Variants in DOCK1 observed in about 807,000 individuals in gnomAD.
DOCK1 encodes the protein dedicator of cytokinesis 1.
A neutral mutation model predicts 262.7 loss-of-function variants in DOCK1; 138 were observed. The observed-to-expected ratio is 0.53, with a 90% CI of 0.46 to 0.61. The LOEUF (loss-of-function observed/expected upper bound fraction) is 0.61, where lower values mean the gene tolerates loss of function less well. Ranked by LOEUF, DOCK1 falls within the 20% of genes least tolerant of loss-of-function variation. The probability of loss-of-function intolerance (pLI) is 0.00; values close to 1 mark genes in which losing one functional copy is unlikely to be tolerated. For synonymous variants in DOCK1, 866 were observed against 867.4 expected, an observed-to-expected ratio of 1.00 and a Z score of 0.03; for missense variants, 1,908 against 2,370.7, an observed-to-expected ratio of 0.80 and a Z score of 4.05.
Position 126,998,175 on chromosome 10 carries a change from T to C in DOCK1, c.693T>C (p.Asn231=). ...TGGCCTTGTTTGTGAACCTCAAAAA[T>C]GTGGTTTGTAAAATAGGAGAAGATG... ...PSLALFVNLK[N]VVCKIGEDAE... The change falls in exon 8 of 52, where the codon AAT becomes AAC. Residue 231 remains asparagine (N), a synonymous_variant. Transcript: ENST00000623213. The C allele has an allele frequency of 6.2e-7, 1 of 1,614,038 alleles. No homozygotes were observed. The highest frequency in any genetic ancestry group is 8.5e-7 in the Non-Finnish European group (1 of 1,179,892).
At chr10:127,371,627 A>G (rs976913101) in intron 33 of DOCK1, among the ~76,000 whole-genome samples, 1 of 152,156 alleles carries the variant, frequency 6.6e-6, no homozygotes, top group African/African-American at 2.4e-5. Flanking sequence ...TGTTGTCTGT[A>G]CTCATTAAAC....
At chr10:127,202,882 A>C (rs969703402) in intron 27 of DOCK1, among the ~76,000 whole-genome samples, 1 of 152,190 alleles carries the variant, frequency 6.6e-6, no homozygotes, top group African/African-American at 2.4e-5. Flanking sequence ...ATGCAACCAG[A>C]GGACAGATTC....
intron 1 of DOCK1, among the ~76,000 whole-genome samples, chr10:126,962,986 C>T (rs1171969781): frequency 6.6e-5 from 10 of 152,216 alleles, no homozygotes; most frequent in Non-Finnish European, 1.5e-5. Flanking sequence ...AAAGACTGTC[C>T]TCTCCCCATT....
chr10:127,315,221 A>G (rs528547861), intron 29 of DOCK1, among the ~76,000 whole-genome samples: 63 of 152,336 alleles, frequency 4.1e-4, no homozygotes, highest in African/African-American at 1.5e-3. Context: ...CACCTAATGT[A>G]CACAGAGCTA....
At chr10:126,937,351 A>C (rs1453736072) in intron 1 of DOCK1, among the ~76,000 whole-genome samples, 2 of 152,214 alleles carry the variant, frequency 1.3e-5, no homozygotes, top group Non-Finnish European at 2.9e-5. Context: ...GTGTGTACCC[A>C]GAAGTGGAAT....
chr10:127,210,940 C>A (rs911003098), intron 27 of DOCK1, among the ~76,000 whole-genome samples: 5 of 152,112 alleles, frequency 3.3e-5, no homozygotes, highest in African/African-American at 1.2e-4. Context: ...TGGTATAGGA[C>A]CCATGATATT....
At chr10:127,190,781 A>G (rs537299183) in intron 27 of DOCK1, among the ~76,000 whole-genome samples, 8 of 147,814 alleles carry the variant, frequency 5.4e-5, no homozygotes, top group African/African-American at 2.0e-4. Flanking sequence ...ATCTTGCCAC[A>G]TTACAAAGAC....
rs567456908 is a variant in DOCK1, at chr10:126,993,535, G to C, written c.473+2932G>C. Among the ~76,000 whole-genome samples the C allele has an allele frequency of 2.0e-5, 3 of 152,352 alleles. No homozygotes were observed. In the East Asian group the frequency reaches 5.8e-4, roughly 29 times the overall value. On this transcript the variant is annotated intron_variant, in intron 6 of 51. Transcript: ENST00000623213. ...ATAAGGAGTAGTATTTGGGAGGGAGGAGCTTGCTTTGTTAGTGAGACATAT... is the reference window on the plus strand; with the variant it reads ...ATAAGGAGTAGTATTTGGGAGGGAGCAGCTTGCTTTGTTAGTGAGACATAT...
intron 27 of DOCK1, among the ~76,000 whole-genome samples, chr10:127,195,297 G>A (rs1336483858): frequency 6.6e-6 from 1 of 152,112 alleles, no homozygotes; most frequent in African/African-American, 2.4e-5. Flanking sequence ...CCGCCAGCTC[G>A]CAGTCTCTTA....
At chr10:127,368,373 C>T (rs193166916) in intron 33 of DOCK1, among the ~76,000 whole-genome samples, 7 of 152,284 alleles carry the variant, frequency 4.6e-5, no homozygotes, top group Admixed American at 4.6e-4. Context: ...CTAAATCATC[C>T]TCCCCTGCTG....
At chr10:126,943,296 A>G (rs2035158175) in intron 1 of DOCK1, among the ~76,000 whole-genome samples, 1 of 152,176 alleles carries the variant, frequency 6.6e-6, no homozygotes. Flanking sequence ...ACCTTCTTTG[A>G]ACCTGACTGC....
chr10:126,977,813 G>C, intron 2 of DOCK1, 135 bp from the exon 3 acceptor site: 1 of 846,584 alleles, frequency 1.2e-6, no homozygotes. Context: ...CAAAGCCTTA[G>C]GTTCACTGAA....
At chr10:127,020,933 CG>C (rs1564737954) in intron 13 of DOCK1, among the ~76,000 whole-genome samples, 1 of 152,176 alleles carries the variant, frequency 6.6e-6, no homozygotes, top group East Asian at 1.9e-4. Flanking sequence ...TCTCATAGCT[CG>C]TTGGACTCCT....
intron 13 of DOCK1, among the ~76,000 whole-genome samples, chr10:127,020,865 C>T (rs2042370161): frequency 2.0e-5 from 3 of 152,170 alleles, no homozygotes; most frequent in East Asian, 1.9e-4. Context: ...CAGGGATGCG[C>T]GTCTTCTTTG....
intron 30 of DOCK1, among the ~76,000 whole-genome samples, chr10:127,342,477 A>G (rs1221127921): frequency 6.6e-6 from 1 of 152,132 alleles, no homozygotes; most frequent in Non-Finnish European, 1.5e-5. Flanking sequence ...GGATAACAGC[A>G]CCTACTTGGT....
chr10:127,368,343 C>T (rs77038367), intron 33 of DOCK1, among the ~76,000 whole-genome samples: 6,149 of 152,216 alleles, frequency 0.04, 179 homozygotes, highest in Middle Eastern at 0.075. Flanking sequence ...TTTTATGATC[C>T]GGATGCCCCA....
chr10:127,165,579 A>G (rs1399896243), intron 27 of DOCK1, among the ~76,000 whole-genome samples: 5 of 152,124 alleles, frequency 3.3e-5, no homozygotes, highest in Admixed American at 3.3e-4. Context: ...TTTAAGGTTT[A>G]TTTTTATATT....
chr10:127,399,048 A>G (rs1328548343), intron 38 of DOCK1, among the ~76,000 whole-genome samples: 1 of 152,226 alleles, frequency 6.6e-6, no homozygotes, highest in Non-Finnish European at 1.5e-5. Context: ...AGAAGAATAG[A>G]GAGAAGATTA....
At chr10:127,201,778 C>T (rs2057471430) in intron 27 of DOCK1, among the ~76,000 whole-genome samples, 2 of 152,290 alleles carry the variant, frequency 1.3e-5, no homozygotes, top group Non-Finnish European at 2.9e-5. Flanking sequence ...AGGCGGACTC[C>T]TGGGGAATGA....
Sources: gnomAD v4.1 joint callset for allele counts (sites outside exome capture counted in the v4.1 genomes callset) on GRCh38, gnomAD v4.1.1 for gene constraint, MANE v1.5 for transcripts, NCBI Gene and HGNC (gene_info 2026-07-23, HGNC 2026-07-21) for gene names.